MSN: variants seen among roughly 807,000 people sequenced by gnomAD.
The protein encoded by MSN is moesin.
In MSN, 2 loss-of-function variants were observed where a neutral mutation model predicts 48.0. The ratio of observed to expected loss-of-function variants is 0.04; its 90% CI spans 0.02 to 0.13. The LOEUF (loss-of-function observed/expected upper bound fraction) is 0.13, where lower values mean the gene tolerates loss of function less well. Among genes scored for constraint, MSN ranks in the 10% least tolerant of loss-of-function variants. The pLI is 1.00. For missense variants in MSN, 267 were observed against 470.1 expected (o/e 0.57, Z 3.99); for synonymous variants, 146 against 166.9 (o/e 0.87, Z 0.97).
At chrX:65,653,737 CCACATA>C (rs763904846) in intron 1 of MSN, among the ~76,000 whole-genome samples, 4 of 110,281 alleles carry the variant, frequency 3.6e-5, no homozygotes, top group Non-Finnish European at 7.6e-5. Context: ...CATTTATATA[CCACATA>C]CACATAGCTA....
At chrX:65,595,708 A>T (rs1009596325) in intron 1 of MSN, among the ~76,000 whole-genome samples, 9 of 112,424 alleles carry the variant, frequency 8.0e-5, no homozygotes, top group Non-Finnish European at 1.1e-4. Flanking sequence ...TGCTTGTAAA[A>T]TTCTAGAACC....
chrX:65,611,412 G>A (rs1352659527), intron 1 of MSN, among the ~76,000 whole-genome samples: 2 of 110,904 alleles, frequency 1.8e-5, no homozygotes, highest in African/African-American at 3.3e-5. Flanking sequence ...CACCCACCTC[G>A]GCCTCCCAAA....
At chrX:65,739,616 G>A (rs1291933738) in intron 12 of MSN, 113 bp from the exon 13 acceptor site, 12 of 852,842 alleles carry the variant, frequency 1.4e-5, no homozygotes, top group Non-Finnish European at 1.9e-5. Flanking sequence ...TATATATAGA[G>A]AGAAAGGGTG....
upstream of MSN, among the ~76,000 whole-genome samples, chrX:65,664,382 G>A (rs1229873650): frequency 8.9e-6 from 1 of 111,784 alleles, no homozygotes; most frequent in Admixed American, 9.5e-5. Flanking sequence ...CTCACTACCT[G>A]AGTGCAATAT....
intron 1 of MSN, among the ~76,000 whole-genome samples, chrX:65,611,653 T>C (rs1201956302): frequency 8.9e-6 from 1 of 112,224 alleles, no homozygotes; most frequent in Admixed American, 9.5e-5. Context: ...TCAGCTATTT[T>C]GAACAATGCT....
chrX:65,689,421 G>A lies in MSN; in HGVS notation c.12+21568G>A, dbSNP rs756731509. Among the ~76,000 whole-genome samples, 3 of 111,718 alleles carry A rather than the reference G, an allele frequency of 2.7e-5. No individual in the cohort carries two copies. In the South Asian group the frequency reaches 1.1e-3, roughly 42 times the overall value. The stretch of plus-strand genomic sequence containing the variant: ...TGTAAGGGAGCATAACTGGGTGGAG[G>A]GGTGAACAGGCATCATTAGAGGCCG... On this transcript the variant is annotated intron_variant, in intron 1 of 12. Coordinates refer to ENST00000360270, the MANE Select transcript of MSN (RefSeq NM_002444.3).
chrX:65,618,638 T>C (rs993579506), intron 1 of MSN, among the ~76,000 whole-genome samples: 7 of 111,462 alleles, frequency 6.3e-5, no homozygotes, highest in Admixed American at 4.8e-4. Flanking sequence ...TACAGCACAC[T>C]GTTGGGTCTT....
chrX:65,699,142 G>A (rs1480407550), intron 1 of MSN, among the ~76,000 whole-genome samples: 1 of 112,059 alleles, frequency 8.9e-6, no homozygotes, highest in Non-Finnish European at 1.9e-5. Flanking sequence ...CTGTTTGGGA[G>A]ATTGAGGAGG....
At chrX:65,651,864 T>C (rs1326494925) in intron 1 of MSN, among the ~76,000 whole-genome samples, 1 of 107,165 alleles carries the variant, frequency 9.3e-6, no homozygotes, top group Non-Finnish European at 1.9e-5. Flanking sequence ...TCCCAAAGCG[T>C]TGGGATTACA....
intron 1 of MSN, among the ~76,000 whole-genome samples, chrX:65,612,624 G>A (rs1432074081): frequency 8.3e-5 from 9 of 108,358 alleles, no homozygotes; most frequent in African/African-American, 3.0e-4. Context: ...GCAGTGTTGC[G>A]ATCTTAGCTC....
intron 1 of MSN, among the ~76,000 whole-genome samples, chrX:65,639,292 C>A (rs1181901953): frequency 9.1e-6 from 1 of 110,432 alleles, no homozygotes; most frequent in Non-Finnish European, 1.9e-5. Flanking sequence ...TACAGGTACC[C>A]GCCACCACAC....
intron 1 of MSN, among the ~76,000 whole-genome samples, chrX:65,628,121 A>T (rs2070523287): frequency 8.9e-6 from 1 of 112,340 alleles, no homozygotes; most frequent in Admixed American, 9.4e-5. Context: ...CAGGTGCACA[A>T]TGCAAGCTGT....
intron 1 of MSN, among the ~76,000 whole-genome samples, chrX:65,710,824 C>T (rs1186599896): frequency 9.1e-6 from 1 of 110,026 alleles, no homozygotes; most frequent in African/African-American, 3.3e-5. Context: ...GATTCTCCTG[C>T]CTCAGCCTCC....
intron 1 of MSN, among the ~76,000 whole-genome samples, chrX:65,643,509 G>T (rs1012652159): frequency 1.8e-5 from 2 of 111,329 alleles, no homozygotes; most frequent in African/African-American, 6.5e-5. Flanking sequence ...GCGCACATTC[G>T]AATCACCCAG....
chrX:65,702,920 C>T lies in MSN; in HGVS notation c.13-13898C>T, dbSNP rs147201841. ...GGATTCTGCTTCTTGGGGAGGAAAT[C>T]CCCATCTCTCTCAAGAGATAAAATA... is the stretch of plus-strand genomic sequence containing the variant. On this transcript the variant is annotated intron_variant, in intron 1 of 12. Transcript: ENST00000360270. 8.2e-3 allele frequency among the ~76,000 whole-genome samples: 922 copies of T among 111,954 alleles called. 6 individuals carry two copies. The highest frequency in any genetic ancestry group is 0.013 in the Non-Finnish European group (698 of 53,147).
intron 1 of MSN, among the ~76,000 whole-genome samples, chrX:65,693,231 A>T (rs1225199601): frequency 1.8e-5 from 2 of 111,845 alleles, no homozygotes; most frequent in African/African-American, 6.5e-5. Context: ...ACCTAGGGTT[A>T]GAATTAAAAT....
intron 1 of MSN, among the ~76,000 whole-genome samples, chrX:65,636,405 C>T (rs189968366): frequency 6.3e-5 from 7 of 111,508 alleles, no homozygotes; most frequent in Non-Finnish European, 1.3e-4. Flanking sequence ...CTCGTCCTCT[C>T]TCACATGCCT....
At chrX:65,650,269 G>A (rs2070732483) in intron 1 of MSN, among the ~76,000 whole-genome samples, 1 of 110,539 alleles carries the variant, frequency 9.0e-6, no homozygotes. Flanking sequence ...TGTATTTTTA[G>A]TAGAGACAGG....
At chrX:65,737,069 G>A (rs889845564) in intron 9 of MSN, 109 bp from the exon 10 acceptor site, 1 of 1,128,189 alleles carries the variant, frequency 8.9e-7, no homozygotes, top group East Asian at 3.0e-5. Context: ...AGAGAGCTCA[G>A]AACTTTCTGC....
Sources: gnomAD v4.1 joint callset for allele counts (sites outside exome capture counted in the v4.1 genomes callset) on GRCh38, gnomAD v4.1.1 for gene constraint, MANE v1.5 for transcripts, NCBI Gene and HGNC (gene_info 2026-07-23, HGNC 2026-07-21) for gene names.